The following TENM3 variants were observed in gnomAD, a reference collection of about 807,000 sequenced individuals.
TENM3 encodes teneurin-3.
Under a neutral mutation model 255.1 loss-of-function variants are expected in TENM3, and 63 were observed. That is an observed-to-expected ratio of 0.25 (90% CI 0.20 to 0.30). TENM3 has a LOEUF of 0.30. Among genes scored for constraint, TENM3 ranks in the 10% least tolerant of loss-of-function variants. The pLI is 1.00. For synonymous variants in TENM3, 1,306 were observed against 1,322.3 expected, an observed-to-expected ratio of 0.99 and a Z score of 0.27; for missense variants, 2,929 against 3,461.1, an observed-to-expected ratio of 0.85 and a Z score of 3.86.
chr4:181,978,554 G>C, the TENM3 span, among the ~76,000 whole-genome samples: 3 of 151,652 alleles, frequency 2.0e-5, no homozygotes, highest in Non-Finnish European at 4.4e-5. Flanking sequence ...GGCTAAGGCA[G>C]GAGAATCGGT....
the TENM3 span, among the ~76,000 whole-genome samples, chr4:181,637,768 T>C: frequency 6.6e-6 from 1 of 152,208 alleles, no homozygotes; most frequent in Non-Finnish European, 1.5e-5. Context: ...ATTTATTGTT[T>C]TGTTGTTGTC....
At chr4:181,624,164 A>G in the TENM3 span, among the ~76,000 whole-genome samples, 1 of 152,134 alleles carries the variant, frequency 6.6e-6, no homozygotes, top group Non-Finnish European at 1.5e-5. Flanking sequence ...ACAGCAAGAG[A>G]CACCCCAAAC....
At chr4:182,339,760 G>A (rs534141632) in intron 2 of TENM3, among the ~76,000 whole-genome samples, 16 of 152,054 alleles carry the variant, frequency 1.1e-4, no homozygotes, top group Admixed American at 2.0e-4. Context: ...AACCATAGGC[G>A]TATTTATACC....
intron 13 of TENM3, among the ~76,000 whole-genome samples, chr4:182,724,270 G>A (rs1157058900): frequency 6.6e-6 from 1 of 152,172 alleles, no homozygotes; most frequent in African/African-American, 2.4e-5. Flanking sequence ...TGATTTTTGA[G>A]AAGCTATTCC....
chr4:182,453,094 C>T (rs187708762), intron 3 of TENM3, among the ~76,000 whole-genome samples: 144 of 151,800 alleles, frequency 9.5e-4, no homozygotes, highest in African/African-American at 3.3e-3. Flanking sequence ...ATTTAAGAAA[C>T]CAGTTGTTTT....
chr4:182,050,535 G>A, the TENM3 span, among the ~76,000 whole-genome samples: 1 of 152,204 alleles, frequency 6.6e-6, no homozygotes, highest in Non-Finnish European at 1.5e-5. Context: ...TGACTGCGGT[G>A]GCTCACACCT....
intron 1 of TENM3, among the ~76,000 whole-genome samples, chr4:182,204,117 A>AGGGG (rs919492596): frequency 6.6e-6 from 1 of 152,184 alleles, no homozygotes; most frequent in African/African-American, 2.4e-5. Context: ...GGGGGACAAA[A>AGGGG]GAAAGAAAAG....
the TENM3 span, among the ~76,000 whole-genome samples, chr4:181,557,779 A>G: frequency 5.9e-5 from 9 of 152,110 alleles, no homozygotes; most frequent in African/African-American, 2.2e-4. Flanking sequence ...GATCTGCCTG[A>G]CTTGGCCTCT....
the TENM3 span, among the ~76,000 whole-genome samples, chr4:181,523,537 C>T: frequency 2.6e-5 from 4 of 151,996 alleles, no homozygotes; most frequent in African/African-American, 9.7e-5. Context: ...GTTGTCAAGG[C>T]TATCTCAGTG....
the TENM3 span, among the ~76,000 whole-genome samples, chr4:181,494,509 C>T: frequency 6.6e-6 from 1 of 152,126 alleles, no homozygotes; most frequent in African/African-American, 2.4e-5. Flanking sequence ...TGGTCTCAAA[C>T]TCCTGACCTC....
At chr4:182,612,892 T>C (rs371480866) in intron 4 of TENM3, among the ~76,000 whole-genome samples, 3 of 152,262 alleles carry the variant, frequency 2.0e-5, no homozygotes, top group South Asian at 4.1e-4. Flanking sequence ...CTTGTTTTGT[T>C]TTGTCATCCA....
At chr4:181,858,885 C>T in the TENM3 span, among the ~76,000 whole-genome samples, 1 of 152,006 alleles carries the variant, frequency 6.6e-6, no homozygotes, top group Non-Finnish European at 1.5e-5. Context: ...GAGCTTTGTA[C>T]TGTTGGTATT....
At chr4:181,588,985 C>T in the TENM3 span, among the ~76,000 whole-genome samples, 6 of 152,104 alleles carry the variant, frequency 3.9e-5, no homozygotes, top group African/African-American at 1.4e-4. Context: ...CTCCTTATTC[C>T]ACTCAGTGTA....
At chr4:181,525,081 T>C in the TENM3 span, among the ~76,000 whole-genome samples, 1 of 151,990 alleles carries the variant, frequency 6.6e-6, no homozygotes, top group Non-Finnish European at 1.5e-5. Flanking sequence ...AAACAGAATA[T>C]CGAAAGTTTG....
chr4:182,268,112 C>A (rs1379721056), intron 1 of TENM3, among the ~76,000 whole-genome samples: 2 of 152,288 alleles, frequency 1.3e-5, no homozygotes, highest in East Asian at 3.9e-4. Flanking sequence ...AAAAAGCCTT[C>A]TAATTTAGTT....
At chr4:181,541,260 G>C in the TENM3 span, among the ~76,000 whole-genome samples, 3 of 152,140 alleles carry the variant, frequency 2.0e-5, no homozygotes, top group African/African-American at 7.2e-5. Context: ...GCATGCACTT[G>C]TATTCCTGGG....
chr4:181,753,844 A>G, the TENM3 span, among the ~76,000 whole-genome samples: 2 of 152,288 alleles, frequency 1.3e-5, no homozygotes, highest in Middle Eastern at 3.4e-3. Flanking sequence ...ATACCCACAC[A>G]TTGTACTAGG....
At chr4:181,727,770 G>A in the TENM3 span, among the ~76,000 whole-genome samples, 5 of 152,130 alleles carry the variant, frequency 3.3e-5, no homozygotes, top group Non-Finnish European at 7.3e-5. Context: ...AAGCTTTTAA[G>A]TATTAAGGAT....
the TENM3 span, among the ~76,000 whole-genome samples, chr4:181,626,708 C>T: frequency 3.3e-5 from 5 of 152,164 alleles, no homozygotes; most frequent in Non-Finnish European, 4.4e-5. Context: ...CCACTCAGCC[C>T]AGACTCCAAC....
Sources: gnomAD v4.1 joint callset for allele counts (sites outside exome capture counted in the v4.1 genomes callset) on GRCh38, gnomAD v4.1.1 for gene constraint, MANE v1.5 for transcripts, NCBI Gene and HGNC (gene_info 2026-07-23, HGNC 2026-07-21) for gene names.